SCFD2: variants seen among roughly 807,000 people sequenced by gnomAD.
SCFD2 encodes the protein sec1 family domain containing 2, also known as sec1 family domain-containing protein 2.
Under a neutral mutation model 58.9 loss-of-function variants are expected in SCFD2, and 54 were observed. That is an observed-to-expected ratio of 0.92 (90% CI 0.74 to 1.15). The LOEUF is 1.15. Among genes scored for constraint, SCFD2 ranks in the 50% most tolerant of loss-of-function variants. SCFD2 has a pLI of 0.00. For synonymous variants in SCFD2, 321 were observed against 335.9 expected (o/e 0.96, Z 0.49); for missense variants, 805 against 836.6 (o/e 0.96, Z 0.47).
intron 4 of SCFD2, among the ~76,000 whole-genome samples, chr4:53,203,822 T>C (rs373728230): frequency 6.6e-6 from 1 of 152,088 alleles, no homozygotes; most frequent in African/African-American, 2.4e-5. Flanking sequence ...CAAGAAGTAG[T>C]TGGATCCCTA....
chr4:52,950,894 T>C (rs1358977782), intron 5 of SCFD2: 1 of 152,144 alleles, frequency 6.6e-6, no homozygotes, highest in Non-Finnish European at 1.5e-5. Flanking sequence ...CTTACAGTCT[T>C]GGCCTCCAGA....
At chr4:53,281,135 C>T (rs995749454) in intron 3 of SCFD2, among the ~76,000 whole-genome samples, 3 of 152,234 alleles carry the variant, frequency 2.0e-5, no homozygotes, top group Non-Finnish European at 4.4e-5. Context: ...TAAACAACCT[C>T]AACTCGTCTT....
chr4:53,209,765 C>T (rs1728547127), intron 4 of SCFD2, among the ~76,000 whole-genome samples: 1 of 151,032 alleles, frequency 6.6e-6, no homozygotes, highest in Admixed American at 6.6e-5. Flanking sequence ...AGTCTTCTTT[C>T]TCCATTAAAA....
chr4:53,341,266 C>G (rs1733862573), intron 2 of SCFD2, among the ~76,000 whole-genome samples: 1 of 152,092 alleles, frequency 6.6e-6, no homozygotes, highest in Non-Finnish European at 1.5e-5. Context: ...ACTTAAATGA[C>G]CTGGTGGAGC....
chr4:53,102,062 T>C (rs550685437), intron 5 of SCFD2, among the ~76,000 whole-genome samples: 1 of 152,282 alleles, frequency 6.6e-6, no homozygotes. Context: ...TGAATGCACA[T>C]GCAAATCAAT....
At chr4:52,963,453 G>T (rs1254705703) in intron 5 of SCFD2, among the ~76,000 whole-genome samples, 1 of 152,094 alleles carries the variant, frequency 6.6e-6, no homozygotes, top group Non-Finnish European at 1.5e-5. Context: ...CTTGGAGTCG[G>T]GTTCGAAAAG....
At chr4:52,911,543 T>G (rs1719487001) in intron 6 of SCFD2, among the ~76,000 whole-genome samples, 1 of 152,152 alleles carries the variant, frequency 6.6e-6, no homozygotes, top group Non-Finnish European at 1.5e-5. Context: ...AGGTGCACAT[T>G]TATATAGCAG....
intron 5 of SCFD2, among the ~76,000 whole-genome samples, chr4:53,112,834 A>G (rs943222296): frequency 2.0e-5 from 3 of 152,016 alleles, no homozygotes; most frequent in African/African-American, 7.2e-5. Context: ...TCAAGCCTCC[A>G]TCTTCTCCAG....
chr4:52,907,174 G>C (rs756800222), intron 7 of SCFD2, among the ~76,000 whole-genome samples: 1 of 152,210 alleles, frequency 6.6e-6, no homozygotes, highest in Non-Finnish European at 1.5e-5. Flanking sequence ...CTGCAAGGAG[G>C]AGAGTTTTCA....
intron 5 of SCFD2, among the ~76,000 whole-genome samples, chr4:53,040,373 A>T (rs934194657): frequency 2.6e-5 from 4 of 152,184 alleles, no homozygotes; most frequent in African/African-American, 9.6e-5. Context: ...TCATCTGAAG[A>T]AGGATCTTTA....
At chr4:53,020,551 C>A (rs1722321974) in intron 5 of SCFD2, among the ~76,000 whole-genome samples, 1 of 152,144 alleles carries the variant, frequency 6.6e-6, no homozygotes, top group Non-Finnish European at 1.5e-5. Context: ...TGTTGGTATA[C>A]CCTCATCGAC....
intron 5 of SCFD2, among the ~76,000 whole-genome samples, chr4:53,078,859 T>C (rs1222071497): frequency 2.0e-5 from 3 of 152,218 alleles, no homozygotes; most frequent in Non-Finnish European, 1.5e-5. Flanking sequence ...CTCAGCATTT[T>C]AGTCAGGGTT....
rs766722529 is a variant in SCFD2, at chr4:53,365,772, C to A, written c.170G>T (p.Arg57Leu). Reference sequence around the variant, plus strand: ...ACCAATTGCGTCGGGCTCGAACTCTCGCAGGTGACAGTCAGGACCCCCCAC... The same window carrying A: ...ACCAATTGCGTCGGGCTCGAACTCTAGCAGGTGACAGTCAGGACCCCCCAC... ...EAVGGPDCHL[R>L]EFEPDAIGGG... Residue 57 changes from arginine (R) to leucine (L), a missense_variant, in exon 1 of 9, where the codon CGA becomes CTA. By Grantham distance (102) the Arg-to-Leu change is moderately radical. Coordinates refer to ENST00000401642, the MANE Select transcript of SCFD2 (RefSeq NM_152540.4). The surrounding 1 kb of genome is among the most constrained non-coding windows in gnomAD (Gnocchi z 4.3). 8 of 1,613,672 alleles carry A rather than the reference C, an allele frequency of 5.0e-6. No individual in the cohort carries two copies.
chr4:52,999,654 C>T (rs1721820876), intron 5 of SCFD2, among the ~76,000 whole-genome samples: 1 of 152,128 alleles, frequency 6.6e-6, no homozygotes, highest in Admixed American at 6.5e-5. Context: ...CCCTGCCAAC[C>T]CCTATTAAAT....
At chr4:53,127,829 T>C (rs1725672609) in intron 5 of SCFD2, among the ~76,000 whole-genome samples, 1 of 151,910 alleles carries the variant, frequency 6.6e-6, no homozygotes, top group Admixed American at 6.6e-5. Context: ...AAAAGTCCAA[T>C]GTGGAGGAGT....
chr4:52,950,994 A>T (rs1330322908), intron 5 of SCFD2: 1 of 152,212 alleles, frequency 6.6e-6, no homozygotes, highest in Non-Finnish European at 1.5e-5. Context: ...GGAGCACAAC[A>T]TGTAAATTAA....
intron 7 of SCFD2, among the ~76,000 whole-genome samples, chr4:52,886,759 A>G (rs1328714973): frequency 6.6e-6 from 1 of 152,254 alleles, no homozygotes; most frequent in Non-Finnish European, 1.5e-5. Context: ...CTGTGAACTC[A>G]TTGACCAGGA....
chr4:53,208,593 T>G (rs547502832), intron 4 of SCFD2, among the ~76,000 whole-genome samples: 2 of 152,290 alleles, frequency 1.3e-5, no homozygotes, highest in East Asian at 3.9e-4. Context: ...TCCTGACTCC[T>G]AGTCGTGTGT....
intron 4 of SCFD2, among the ~76,000 whole-genome samples, chr4:53,156,489 A>G (rs1726691113): frequency 6.6e-6 from 1 of 151,972 alleles, no homozygotes; most frequent in African/African-American, 2.4e-5. Context: ...TGAGGTCAGG[A>G]GATCAAGACC....
Sources: allele counts gnomAD v4.1 joint callset (sites outside exome capture counted in the v4.1 genomes callset), GRCh38; gene constraint gnomAD v4.1.1; non-coding constraint Gnocchi (gnomAD v3.1); transcripts MANE v1.5; gene names NCBI Gene and HGNC (gene_info 2026-07-23, HGNC 2026-07-21).